TULP4: variants seen among roughly 807,000 people sequenced by gnomAD.
TULP4 encodes the protein TUB like protein 4, also known as tubby-related protein 4.
A neutral mutation model predicts 129.0 loss-of-function variants in TULP4; 16 were observed. The ratio of observed to expected loss-of-function variants is 0.12; its 90% CI spans 0.08 to 0.19. The LOEUF is 0.19. TULP4 is among the 10% of genes least tolerant of loss of function. TULP4 has a pLI of 1.00. For missense variants in TULP4, 1,842 were observed against 2,059.1 expected, an observed-to-expected ratio of 0.89 and a Z score of 2.04; for synonymous variants, 998 against 854.0, an observed-to-expected ratio of 1.17 and a Z score of -2.94.
chr6:158,280,648 A>G (rs1259369178), upstream of TULP4, among the ~76,000 whole-genome samples: 3 of 152,186 alleles, frequency 2.0e-5, no homozygotes, highest in Non-Finnish European at 4.4e-5. Context: ...AGCTTTCCTT[A>G]TGGAGTGGTG....
At chr6:158,475,509 C>T (rs539252939) in intron 6 of TULP4, among the ~76,000 whole-genome samples, 1 of 152,346 alleles carries the variant, frequency 6.6e-6, no homozygotes, top group South Asian at 2.1e-4. Flanking sequence ...AGACCGCAAA[C>T]TTACAATTGA....
rs1056171494 is a variant in TULP4, at chr6:158,406,478, A to T, written c.253-6587A>T. ...TGTGATTGAACATACTTTCCAGTAG[A>T]ATTTTTACTCAGGAGTTTGCAGCTA... is the stretch of plus-strand genomic sequence containing the variant. On this transcript the variant is annotated intron_variant, in intron 1 of 13. Coordinates refer to ENST00000367097, the MANE Select transcript of TULP4 (RefSeq NM_020245.5). Among the ~76,000 whole-genome samples, 3 of 152,214 alleles carry T rather than the reference A, an allele frequency of 2.0e-5. No individual in the cohort carries two copies. In the South Asian group the frequency reaches 6.2e-4, roughly 32 times the overall value.
chr6:158,367,923 C>CA (rs11351338), intron 1 of TULP4, among the ~76,000 whole-genome samples: 33,483 of 139,402 alleles, frequency 0.24, 4,453 homozygotes, highest in East Asian at 0.57. Flanking sequence ...ACAAATAATA[C>CA]AAAAAAAAAA....
chr6:158,409,528 C>T (rs1014625125), intron 1 of TULP4, among the ~76,000 whole-genome samples: 3 of 152,148 alleles, frequency 2.0e-5, no homozygotes, highest in Non-Finnish European at 2.9e-5. Context: ...GCACAAAATT[C>T]GGGCAACTGA....
intron 1 of TULP4, among the ~76,000 whole-genome samples, chr6:158,286,918 T>C (rs1778844900): frequency 6.6e-6 from 1 of 152,210 alleles, no homozygotes. Context: ...ATCTCTTTAT[T>C]CTTTTGTGAG....
rs554260425 is a variant in TULP4, at chr6:158,328,125, T to C, written c.252+13857T>C. On this transcript the variant is annotated intron_variant, in intron 1 of 13. Coordinates refer to ENST00000367097, the MANE Select transcript of TULP4 (RefSeq NM_020245.5). Reference sequence around the variant, plus strand: ...GTGTGTGTGTGTGTGTGTGTGTGTGTGTGCGTGCGTGCTGGGAAAGAGGTA... The same window carrying C: ...GTGTGTGTGTGTGTGTGTGTGTGTGCGTGCGTGCGTGCTGGGAAAGAGGTA... 2.4e-3 allele frequency among the ~76,000 whole-genome samples: 127 copies of C among 52,252 alleles called. 2 individuals are homozygous for C. The highest frequency in any genetic ancestry group is 6.2e-3 in the African/African-American group (104 of 16,664). 34.3% of individuals were successfully genotyped at this position (52,252 alleles called of 152,430 possible). A position where few individuals can be genotyped will look rare whatever the true frequency, so the allele number is the denominator to read the frequency against.
At chr6:158,467,272 CCTTT>C (rs1331723976) in intron 6 of TULP4, among the ~76,000 whole-genome samples, 3 of 124,648 alleles carry the variant, frequency 2.4e-5, no homozygotes, top group African/African-American at 3.8e-5. Context: ...CACGACTTTC[CCTTT>C]CTTTTTTTTT....
chr6:158,248,491 G>A (rs1048160563), intron 1 of TULP4, among the ~76,000 whole-genome samples: 43 of 152,130 alleles, frequency 2.8e-4, no homozygotes, highest in African/African-American at 7.2e-4. Context: ...GGATGATCTC[G>A]ACCTCCTGAC....
chr6:158,249,554 C>T (rs1489024843), intron 1 of TULP4, among the ~76,000 whole-genome samples: 1 of 152,184 alleles, frequency 6.6e-6, no homozygotes, highest in Non-Finnish European at 1.5e-5. Flanking sequence ...TTGTAGCTTA[C>T]TCTAATGCAT....
Position 158,489,145 on chromosome 6 carries a change from A to T in TULP4, c.1487-443A>T, listed in dbSNP as rs942717310. ...GTGGAGGGGACCTGACTCTGTCAGG[A>T]CTGTAGTTCAAGCAGGCTTGGCATC... On this transcript the variant is annotated intron_variant, in intron 8 of 13. Coordinates refer to ENST00000367097, the MANE Select transcript of TULP4 (RefSeq NM_020245.5). Among the ~76,000 whole-genome samples, 4 of 152,194 alleles carry T rather than the reference A, an allele frequency of 2.6e-5. No individual in the cohort carries two copies. In the East Asian group the frequency reaches 7.7e-4, roughly 29 times the overall value.
intron 1 of TULP4, among the ~76,000 whole-genome samples, chr6:158,380,894 CAAAAAAAAAA>C (rs1227720723): frequency 1.4e-5 from 1 of 72,260 alleles, no homozygotes; most frequent in South Asian, 5.7e-4. Flanking sequence ...ACTCTGTCTC[CAAAAAAAAAA>C]AAAAAAAAGA....
At chr6:158,436,482 TG>T (rs1481268825) in intron 3 of TULP4, among the ~76,000 whole-genome samples, 1 of 152,190 alleles carries the variant, frequency 6.6e-6, no homozygotes, top group East Asian at 1.9e-4. Flanking sequence ...TTTGAAAACA[TG>T]ATTATATTTT....
At chr6:158,402,184 TC>T (rs1352487250) in intron 1 of TULP4, among the ~76,000 whole-genome samples, 2 of 152,192 alleles carry the variant, frequency 1.3e-5, no homozygotes, top group Non-Finnish European at 2.9e-5. Flanking sequence ...ACCTAGCTCT[TC>T]CTTTACTCAC....
chr6:158,365,152 A>G (rs1370886268), intron 1 of TULP4, among the ~76,000 whole-genome samples: 1 of 148,740 alleles, frequency 6.7e-6, no homozygotes, highest in African/African-American at 2.5e-5. Flanking sequence ...CCTCCCCACC[A>G]CTCCTTCTAG....
At chr6:158,296,963 T>C (rs1779046552) in intron 1 of TULP4, among the ~76,000 whole-genome samples, 1 of 152,196 alleles carries the variant, frequency 6.6e-6, no homozygotes, top group Non-Finnish European at 1.5e-5. Flanking sequence ...ATTATCTTGA[T>C]AAACATCTTA....
chr6:158,237,586 C>G, intron 1 of TULP4: 1 of 1,519,778 alleles, frequency 6.6e-7, no homozygotes, highest in South Asian at 1.1e-5. Context: ...ACCCTTCTTT[C>G]TTCCCTGGTA....
intron 1 of TULP4, chr6:158,242,627 A>C: frequency 1.4e-6 from 1 of 699,790 alleles, no homozygotes; most frequent in Non-Finnish European, 2.7e-6. Context: ...TATTGATGAC[A>C]TTCAAGGCTT....
At chr6:158,246,023 G>GGGGTGTGTGT (rs113914160) in intron 1 of TULP4, among the ~76,000 whole-genome samples, 375 of 145,916 alleles carry the variant, frequency 2.6e-3, no homozygotes, top group Middle Eastern at 7.1e-3. Context: ...ACCCCTTAGG[G>GGGGTGTGTGT]GTGTGTGTGT....
At chr6:158,385,164 G>A (rs547397572) in intron 1 of TULP4, among the ~76,000 whole-genome samples, 1 of 152,108 alleles carries the variant, frequency 6.6e-6, no homozygotes, top group Non-Finnish European at 1.5e-5. Flanking sequence ...AGAGTGCATG[G>A]TCACCTATTG....
Sources: gnomAD v4.1 joint callset for allele counts (sites outside exome capture counted in the v4.1 genomes callset) on GRCh38, gnomAD v4.1.1 for gene constraint, MANE v1.5 for transcripts, NCBI Gene and HGNC (gene_info 2026-07-23, HGNC 2026-07-21) for gene names.